The following KYNU variants were observed in gnomAD, a reference collection of about 807,000 sequenced individuals.
KYNU encodes kynureninase, also known as L-kynurenine hydrolase.
KYNU carries 54 observed loss-of-function variants against 59.2 expected under a neutral mutation model. The observed-to-expected ratio is 0.91, with a 90% confidence interval of 0.73 to 1.14. The LOEUF (loss-of-function observed/expected upper bound fraction) is 1.14. KYNU is among the 50% of genes most tolerant of loss of function. The pLI, the probability that KYNU is intolerant of heterozygous loss-of-function variation, is 0.00. For synonymous variants in KYNU, 177 were observed against 192.0 expected, an observed-to-expected ratio of 0.92 and a Z score of 0.65; for missense variants, 567 against 554.4, an observed-to-expected ratio of 1.02 and a Z score of -0.23.
chr2:142,911,873 A>G (rs1682490215), intron 2 of KYNU, among the ~76,000 whole-genome samples: 1 of 152,168 alleles, frequency 6.6e-6, no homozygotes, highest in Non-Finnish European at 1.5e-5. Flanking sequence ...TGTTGAATCA[A>G]TTCTGCATCC....
At chr2:142,889,751 G>A (rs1005335102) in intron 2 of KYNU, among the ~76,000 whole-genome samples, 1 of 151,986 alleles carries the variant, frequency 6.6e-6, no homozygotes, top group Admixed American at 6.6e-5. Flanking sequence ...AAAGCATGTT[G>A]GATTATTTTT....
chr2:142,918,124 G>T (rs769777497), intron 2 of KYNU, among the ~76,000 whole-genome samples: 1 of 152,002 alleles, frequency 6.6e-6, no homozygotes, highest in Non-Finnish European at 1.5e-5. Flanking sequence ...GATATAGAAT[G>T]AAAAAAACCG....
chr2:142,931,773 T>C (rs1683227247), intron 4 of KYNU, among the ~76,000 whole-genome samples: 1 of 152,166 alleles, frequency 6.6e-6, no homozygotes. Context: ...GCCTGAAGAT[T>C]GAGGCCTGTA....
At chr2:143,022,130 G>A (rs16858506) in intron 10 of KYNU, among the ~76,000 whole-genome samples, 17,834 of 151,976 alleles carry the variant, frequency 0.12, 1,129 homozygotes, top group East Asian at 0.25. Flanking sequence ...TGGTATTAAC[G>A]AAAATTACTT....
chr2:142,933,606 A>C (rs1259483382), intron 4 of KYNU, among the ~76,000 whole-genome samples: 1 of 152,176 alleles, frequency 6.6e-6, no homozygotes, highest in Non-Finnish European at 1.5e-5. Context: ...TAGATAGGTG[A>C]CTAAGGGGGT....
At chr2:142,931,104 C>G (rs572644537) in intron 4 of KYNU, among the ~76,000 whole-genome samples, 2 of 152,328 alleles carry the variant, frequency 1.3e-5, no homozygotes, top group Admixed American at 6.5e-5. Context: ...AGCTGTCTTT[C>G]GGTCGGCTCT....
intron 8 of KYNU, among the ~76,000 whole-genome samples, chr2:142,973,589 C>CT (rs1684800370): frequency 6.6e-6 from 1 of 152,088 alleles, no homozygotes; most frequent in African/African-American, 2.4e-5. Flanking sequence ...AGCTTTCCCT[C>CT]TAATTAAGAG....
At chr2:142,951,984 T>G (rs1428158277) in intron 4 of KYNU, among the ~76,000 whole-genome samples, 1 of 152,214 alleles carries the variant, frequency 6.6e-6, no homozygotes, top group Non-Finnish European at 1.5e-5. Context: ...TGTGTGTAGG[T>G]GCATCACATT....
chr2:142,890,249 C>T (rs538643194), intron 2 of KYNU, among the ~76,000 whole-genome samples: 2 of 152,126 alleles, frequency 1.3e-5, no homozygotes, highest in Non-Finnish European at 2.9e-5. Flanking sequence ...AGATATCTTT[C>T]TAAAATTTTT....
chr2:143,030,999 T>C (rs929066505), intron 11 of KYNU, among the ~76,000 whole-genome samples: 22 of 152,210 alleles, frequency 1.4e-4, no homozygotes, highest in African/African-American at 5.3e-4. Flanking sequence ...AATGGGCGTA[T>C]GGGTAGTCGA....
chr2:142,927,752 A>T lies in KYNU; in HGVS notation c.373+11A>T. 6.4e-7 allele frequency: 1 copy of T among 1,567,166 alleles called. No homozygotes were observed. Among genetic ancestry groups the T allele is most frequent in the Non-Finnish European group, 8.8e-7 (1 of 1,137,396 alleles). ...TGAAGGACATTGTAGGTAAGTACAAAACACTGAAGTTTTTCCAAATGAATT... is the reference window on the plus strand; with the variant it reads ...TGAAGGACATTGTAGGTAAGTACAATACACTGAAGTTTTTCCAAATGAATT... On this transcript the variant is annotated intron_variant, in intron 4 of 13. Transcript: ENST00000264170.
chr2:143,020,173 G>C (rs58348607), intron 10 of KYNU, among the ~76,000 whole-genome samples: 6,025 of 151,434 alleles, frequency 0.04, 277 homozygotes, highest in African/African-American at 0.11. Context: ...TTTGAGTTTG[G>C]TTTGTTCTTG....
chr2:142,906,552 T>G (rs2104959325), intron 2 of KYNU, among the ~76,000 whole-genome samples: 1 of 152,208 alleles, frequency 6.6e-6, no homozygotes, highest in Non-Finnish European at 1.5e-5. Flanking sequence ...CCTAGATGCC[T>G]AAGGATGCAG....
chr2:142,906,773 C>T (rs768736561), intron 2 of KYNU, among the ~76,000 whole-genome samples: 1 of 152,082 alleles, frequency 6.6e-6, no homozygotes, highest in Non-Finnish European at 1.5e-5. Context: ...CACACATGGG[C>T]GACTGTTGAG....
intron 2 of KYNU, among the ~76,000 whole-genome samples, chr2:142,898,311 G>A (rs1681952988): frequency 6.7e-6 from 1 of 148,420 alleles, no homozygotes. Context: ...CCTAGCAATT[G>A]CTGCAGCCAA....
At chr2:142,906,063 T>A (rs1453741781) in intron 2 of KYNU, among the ~76,000 whole-genome samples, 1 of 113,686 alleles carries the variant, frequency 8.8e-6, no homozygotes, top group Non-Finnish European at 1.6e-5. Flanking sequence ...CTCTTTCTCT[T>A]TCTCTCCTCT....
chr2:142,909,874 C>T (rs1463054317), intron 2 of KYNU, among the ~76,000 whole-genome samples: 1 of 152,122 alleles, frequency 6.6e-6, no homozygotes, highest in East Asian at 1.9e-4. Context: ...TGAGAAATCT[C>T]CACACTGCTT....
At chr2:142,951,171 A>T (rs1254063217) in intron 4 of KYNU, among the ~76,000 whole-genome samples, 2 of 152,234 alleles carry the variant, frequency 1.3e-5, no homozygotes, top group East Asian at 3.8e-4. Context: ...CAGAGACATG[A>T]GGTGAGCACA....
chr2:142,946,355 A>G (rs1223947106), intron 4 of KYNU, among the ~76,000 whole-genome samples: 6 of 152,156 alleles, frequency 3.9e-5, no homozygotes, highest in African/African-American at 1.2e-4. Context: ...AAGTGCTGGG[A>G]TTACCCTGCC....
Sources: gnomAD v4.1 joint callset for allele counts (sites outside exome capture counted in the v4.1 genomes callset) on GRCh38, gnomAD v4.1.1 for gene constraint, MANE v1.5 for transcripts, NCBI Gene and HGNC (gene_info 2026-07-23, HGNC 2026-07-21) for gene names.